Variants in WDR25 observed in about 807,000 individuals in gnomAD.
WDR25 encodes WD repeat domain 25.
WDR25 carries 35 observed loss-of-function variants against 47.7 expected under a neutral mutation model. The observed-to-expected ratio is 0.73, with a 90% CI of 0.56 to 0.97. The LOEUF (loss-of-function observed/expected upper bound fraction) is 0.97, where lower values mean the gene tolerates loss of function less well. Among genes scored for constraint, WDR25 ranks in the 50% least tolerant of loss-of-function variants. The pLI is 0.00. For missense variants in WDR25, 634 were observed against 704.7 expected (o/e 0.90, Z 1.14); for synonymous variants, 248 against 278.9 (o/e 0.89, Z 1.10).
rs540309738 is a variant in WDR25, at chr14:100,522,066, C to T, written c.1102-3804C>T. Among the ~76,000 whole-genome samples, 8 of 152,062 alleles carry T rather than the reference C, an allele frequency of 5.3e-5. No homozygotes were observed. The South Asian group carries it at 1.0e-3, about 20-fold the overall frequency. On this transcript the variant is annotated intron_variant, in intron 4 of 6. Transcript: ENST00000402312. ...TTTTTCTGAGCTCTGTTTCCTTGCC[C>T]GTTTTTCTGTAGAGCTATTGGTCTT...
intron 4 of WDR25, among the ~76,000 whole-genome samples, chr14:100,491,099 C>A (rs561374120): frequency 1.1e-3 from 173 of 152,314 alleles, no homozygotes; most frequent in Admixed American, 3.3e-3. Flanking sequence ...CTTTCAGCAG[C>A]CAGTGCTGAC....
chr14:100,468,030 G>C lies in WDR25; in HGVS notation c.832G>C (p.Ala278Pro). 1.2e-6 allele frequency: 2 copies of C among 1,612,814 alleles called. No homozygotes were observed. Among genetic ancestry groups the C allele is most frequent in the Non-Finnish European group, 1.7e-6 (2 of 1,180,028 alleles). Residue 278 changes from alanine to proline, a missense_variant, in exon 3 of 7, where the codon GCC becomes CCC. Physicochemically the swap from Ala to Pro is conservative, Grantham distance 27. Coordinates refer to ENST00000402312, the MANE Select transcript of WDR25 (RefSeq NM_001161476.3). This position sits in a 1 kb window ranked among gnomAD's most constrained non-coding sequence, Gnocchi z 4.5. The part of the protein sequence containing the change: ...SMDKTFKVWN[A>P]VDSGHCLQTY... The stretch of plus-strand genomic sequence containing the variant: ...CTGTGTTTGCCTGCAGGTATGGAAC[G>C]CCGTGGACTCCGGGCACTGCCTGCA...
intron 2 of WDR25, among the ~76,000 whole-genome samples, chr14:100,395,148 G>T (rs1897229990): frequency 6.6e-6 from 1 of 152,178 alleles, no homozygotes; most frequent in Non-Finnish European, 1.5e-5. Context: ...TCCTGTACTT[G>T]TGCTGGGTCA....
At position 100,424,466 on chromosome 14, in the gene WDR25, A is replaced by G. The variant is rs1898112652; in HGVS notation, c.822+42720A>G. On this transcript the variant is annotated intron_variant, in intron 2 of 6. Transcript: ENST00000402312. This position sits in a 1 kb window ranked among gnomAD's most constrained non-coding sequence, Gnocchi z 4.2. ...CTACTGGGGACCCGCCACTGACCCC[A>G]GGGCTTTCTTGTATCAAGAGGAACA... is the stretch of plus-strand genomic sequence containing the variant. Among the ~76,000 whole-genome samples the G allele has an allele frequency of 6.6e-6, 1 of 152,232 alleles. No homozygotes were observed. The highest frequency in any genetic ancestry group is 2.4e-5 in the African/African-American group (1 of 41,466).
At chr14:100,417,771 C>T (rs1323325618) in intron 2 of WDR25, among the ~76,000 whole-genome samples, 3 of 152,178 alleles carry the variant, frequency 2.0e-5, no homozygotes, top group Non-Finnish European at 4.4e-5. Flanking sequence ...ATCGCATTTT[C>T]TGCCTGACTT....
At chr14:100,436,450 G>A (rs1898502162) in intron 2 of WDR25, among the ~76,000 whole-genome samples, 1 of 152,224 alleles carries the variant, frequency 6.6e-6, no homozygotes, top group South Asian at 2.1e-4. Context: ...AATTTGCAAT[G>A]AAATAGTTTC....
chr14:100,494,893 A>C (rs915667555), intron 4 of WDR25, among the ~76,000 whole-genome samples: 1 of 152,160 alleles, frequency 6.6e-6, no homozygotes, highest in African/African-American at 2.4e-5. Context: ...AGCAGAATGC[A>C]CTTTAGGAGG....
chr14:100,378,172 AT>A (rs11350148), intron 1 of WDR25, among the ~76,000 whole-genome samples: 39,816 of 149,430 alleles, frequency 0.27, 5,493 homozygotes, highest in African/African-American at 0.35. Context: ...TTTCAGAAAG[AT>A]TTTTTTTTTT....
intron 3 of WDR25, among the ~76,000 whole-genome samples, chr14:100,473,658 T>C (rs897325233): frequency 1.3e-5 from 2 of 152,108 alleles, no homozygotes; most frequent in African/African-American, 4.8e-5. Context: ...CCACTTGGCA[T>C]GGGAAGGGTG....
rs999894783 is a variant in WDR25, at chr14:100,392,139, G to A, written c.822+10393G>A. Among the ~76,000 whole-genome samples the A allele has an allele frequency of 6.6e-6, 1 of 152,098 alleles. No homozygotes were observed. Among genetic ancestry groups the A allele is most frequent in the African/African-American group, 2.4e-5 (1 of 41,408 alleles). ...CATAAATTAATAAATATTTTAAAAT[G>A]TCCTCAGTTTTCACTTCTAATACGC... On this transcript the variant is annotated intron_variant, in intron 2 of 6. Coordinates refer to ENST00000402312, the MANE Select transcript of WDR25 (RefSeq NM_001161476.3). The surrounding 1 kb of genome is among the most constrained non-coding windows in gnomAD (Gnocchi z 4.2).
Position 100,488,680 on chromosome 14 carries a change from G to A in WDR25, c.1101+4556G>A, listed in dbSNP as rs1450746311. 6.6e-6 allele frequency among the ~76,000 whole-genome samples: 1 copy of A among 152,154 alleles called. No homozygotes were observed. The highest frequency in any genetic ancestry group is 1.5e-5 in the Non-Finnish European group (1 of 68,016). ...TCCTGCATTTCTAACAAGCTCCCAG[G>A]AAATGAAGGGGAGGATAGTATATGG... On this transcript the variant is annotated intron_variant, in intron 4 of 6. Coordinates refer to ENST00000402312, the MANE Select transcript of WDR25 (RefSeq NM_001161476.3). The surrounding 1 kb of genome is among the most constrained non-coding windows in gnomAD (Gnocchi z 4.2).
At chr14:100,511,367 T>G (rs1901304574) in intron 4 of WDR25, among the ~76,000 whole-genome samples, 1 of 152,250 alleles carries the variant, frequency 6.6e-6, no homozygotes, top group South Asian at 2.1e-4. Context: ...ATGTGAATTT[T>G]CACCTTGAAT....
At chr14:100,433,921 A>G (rs1898417870) in intron 2 of WDR25, among the ~76,000 whole-genome samples, 1 of 152,124 alleles carries the variant, frequency 6.6e-6, no homozygotes. Context: ...TAGTGGAGAA[A>G]GGCATTTAGA....
At chr14:100,379,174 G>T (rs182497078) in intron 1 of WDR25, among the ~76,000 whole-genome samples, 89 of 152,180 alleles carry the variant, frequency 5.8e-4, no homozygotes, top group Non-Finnish European at 1.1e-3. Context: ...AAGCAGTGCG[G>T]CAGGTTTTCT....
intron 2 of WDR25, among the ~76,000 whole-genome samples, chr14:100,443,898 C>T (rs977289737): frequency 6.6e-6 from 1 of 152,196 alleles, no homozygotes; most frequent in South Asian, 2.1e-4. Context: ...CATGCATATT[C>T]TCTGTTAATG....
chr14:100,378,172 A>AT (rs11350148), intron 1 of WDR25, among the ~76,000 whole-genome samples: 114 of 149,648 alleles, frequency 7.6e-4, no homozygotes, highest in African/African-American at 1.7e-3. Context: ...TTTCAGAAAG[A>AT]TTTTTTTTTT....
intron 2 of WDR25, among the ~76,000 whole-genome samples, chr14:100,408,111 G>C (rs1409308166): frequency 6.6e-6 from 1 of 152,084 alleles, no homozygotes; most frequent in African/African-American, 2.4e-5. Context: ...GGGTAAATCT[G>C]GAGTTTTTCC....
chr14:100,428,157 C>T lies in WDR25; in HGVS notation c.823-39864C>T, dbSNP rs564836856. On this transcript the variant is annotated intron_variant, in intron 2 of 6. Coordinates refer to ENST00000402312, the MANE Select transcript of WDR25 (RefSeq NM_001161476.3). The surrounding 1 kb of genome is among the most constrained non-coding windows in gnomAD (Gnocchi z 4.3). ...TTTTCCCATCTGAGGAAACGTTTGT[C>T]GTGTGCTCCGACCGAAGCGTTGGCA... is the stretch of plus-strand genomic sequence containing the variant. Among the ~76,000 whole-genome samples the T allele has an allele frequency of 1.3e-5, 2 of 152,354 alleles. No homozygotes were observed. The highest frequency in any genetic ancestry group is 2.1e-4 in the South Asian group (1 of 4,830).
At chr14:100,469,959 T>G (rs1423717963) in intron 3 of WDR25, among the ~76,000 whole-genome samples, 1 of 152,206 alleles carries the variant, frequency 6.6e-6, no homozygotes, top group Non-Finnish European at 1.5e-5. Flanking sequence ...CAAGACCCAG[T>G]GCCTACCCTG....
Sources: allele counts gnomAD v4.1 joint callset (sites outside exome capture counted in the v4.1 genomes callset), GRCh38; gene constraint gnomAD v4.1.1; non-coding constraint Gnocchi (gnomAD v3.1); transcripts MANE v1.5; gene names NCBI Gene and HGNC (gene_info 2026-07-23, HGNC 2026-07-21).